TGFB3: variants seen among roughly 807,000 people sequenced by gnomAD.
TGFB3 encodes transforming growth factor beta 3.
A neutral mutation model predicts 40.1 loss-of-function variants in TGFB3; 5 were observed. The ratio of observed to expected loss-of-function variants is 0.12; its 90% CI spans 0.07 to 0.26. The LOEUF (loss-of-function observed/expected upper bound fraction) is 0.26, where lower values mean the gene tolerates loss of function less well. Among genes scored for constraint, TGFB3 ranks in the 10% least tolerant of loss-of-function variants. The probability of loss-of-function intolerance (pLI) is 1.00; values close to 1 mark genes in which losing one functional copy is unlikely to be tolerated. For missense variants in TGFB3, 373 were observed against 530.1 expected (o/e 0.70, Z 2.91); for synonymous variants, 184 against 205.6 (o/e 0.89, Z 0.90).
intron 3 of TGFB3, among the ~76,000 whole-genome samples, chr14:75,968,218 G>T (rs745883298): frequency 1.3e-5 from 2 of 152,188 alleles, no homozygotes; most frequent in Non-Finnish European, 2.9e-5. Context: ...AATCTACACC[G>T]CCAACTGCTC....
chr14:75,958,411 C>T lies in TGFB3; in HGVS notation c.*776G>A, dbSNP rs1360834410. ...ACAATCCAGAAATGTGCATCCTGAC[C>T]TGGAAGGCGTCTAACCAAGTGTCCA... On this transcript the variant is annotated 3_prime_UTR_variant, in exon 7 of 7. Coordinates refer to ENST00000238682, the MANE Select transcript of TGFB3 (RefSeq NM_003239.5). 1 of 153,044 alleles carries T rather than the reference C, an allele frequency of 6.5e-6. No homozygotes were observed. The highest frequency in any genetic ancestry group is 1.5e-5 in the Non-Finnish European group (1 of 68,428). 9.5% of individuals were successfully genotyped at this position (153,044 alleles called of 1,614,324 possible). A position where few individuals can be genotyped will look rare whatever the true frequency, so the allele number is the denominator to read the frequency against.
chr14:75,965,543 T>G, intron 4 of TGFB3, 45 bp downstream of exon 4: 2 of 1,522,032 alleles, frequency 1.3e-6, no homozygotes, highest in East Asian at 2.2e-5. Context: ...TCCCATTAAC[T>G]TCCCCCCCAC....
rs568863382 is a variant in TGFB3, at chr14:75,978,730, T to C, written c.352+1812A>G. On this transcript the variant is annotated intron_variant, in intron 1 of 6. Coordinates refer to ENST00000238682, the MANE Select transcript of TGFB3 (RefSeq NM_003239.5). The surrounding 1 kb of genome is among the most constrained non-coding windows in gnomAD (Gnocchi z 5.0). ...CCAAGGACATCTGCTATTTGTGCTT[T>C]GAGTCTGCACAAAATCAGTGTCCAC... Among the ~76,000 whole-genome samples, 4 of 152,370 alleles carry C rather than the reference T, an allele frequency of 2.6e-5. No individual in the cohort carries two copies. The highest frequency in any genetic ancestry group is 2.0e-4 in the Admixed American group (3 of 15,310).
chr14:75,976,555 T>C (rs1229904351), intron 1 of TGFB3, among the ~76,000 whole-genome samples: 2 of 152,286 alleles, frequency 1.3e-5, no homozygotes, highest in Admixed American at 6.5e-5. Flanking sequence ...TTTAAGCCCA[T>C]GTTAAAAATT....
Position 75,979,031 on chromosome 14 carries a change from C to T in TGFB3, c.352+1511G>A, listed in dbSNP as rs1308054628. On this transcript the variant is annotated intron_variant, in intron 1 of 6. Coordinates refer to ENST00000238682, the MANE Select transcript of TGFB3 (RefSeq NM_003239.5). This position sits in a 1 kb window ranked among gnomAD's most constrained non-coding sequence, Gnocchi z 4.8. ...GCCTTGGCCATCGAGCTGCTAGGTG[C>T]CTCTGGGAACTGTGGGTCTCTGAGC... Among the ~76,000 whole-genome samples the T allele has an allele frequency of 2.0e-5, 3 of 152,192 alleles. No homozygotes were observed. The highest frequency in any genetic ancestry group is 6.5e-5 in the Admixed American group (1 of 15,280).
At chr14:75,959,861 C>A (rs2035132080) in intron 6 of TGFB3, among the ~76,000 whole-genome samples, 1 of 144,192 alleles carries the variant, frequency 6.9e-6, no homozygotes, top group Admixed American at 7.1e-5. Context: ...AGAAGCAGAA[C>A]AACTGCACTT....
intron 1 of TGFB3, among the ~76,000 whole-genome samples, chr14:75,976,736 C>A (rs1170409481): frequency 6.6e-6 from 1 of 152,122 alleles, no homozygotes; most frequent in East Asian, 1.9e-4. Flanking sequence ...CTCACACACC[C>A]TACTTTCTTC....
At chr14:75,976,667 T>C (rs1337744261) in intron 1 of TGFB3, among the ~76,000 whole-genome samples, 1 of 152,154 alleles carries the variant, frequency 6.6e-6, no homozygotes, top group African/African-American at 2.4e-5. Flanking sequence ...CAGCAAGAAC[T>C]GAGGCTGGCT....
upstream of TGFB3, among the ~76,000 whole-genome samples, chr14:75,982,423 G>C (rs980405563): frequency 2.0e-5 from 3 of 152,176 alleles, no homozygotes; most frequent in Non-Finnish European, 4.4e-5. This position sits in a 1 kb window ranked among gnomAD's most constrained non-coding sequence, Gnocchi z 4.0. Context: ...CGGTAGGGGC[G>C]GCCATGCCAG....
Position 75,978,350 on chromosome 14 carries a change from T to C in TGFB3, c.352+2192A>G, listed in dbSNP as rs1419921625. On this transcript the variant is annotated intron_variant, in intron 1 of 6. Coordinates refer to ENST00000238682, the MANE Select transcript of TGFB3 (RefSeq NM_003239.5). The surrounding 1 kb of genome is among the most constrained non-coding windows in gnomAD (Gnocchi z 5.0). ...CCTGATGATGGCTCTCTGCTCCTGC[T>C]CAGCACCTGCCCACTGCCTTCTTTA... Among the ~76,000 whole-genome samples, 6 of 152,042 alleles carry C rather than the reference T, an allele frequency of 3.9e-5. No homozygotes were observed. The East Asian group carries it at 9.7e-4, about 25-fold the overall frequency.
chr14:75,971,835 G>A lies in TGFB3; in HGVS notation c.353-117C>T, dbSNP rs1319391244. On this transcript the variant is annotated intron_variant, in intron 1 of 6. Transcript: ENST00000238682. The surrounding 1 kb of genome is among the most constrained non-coding windows in gnomAD (Gnocchi z 4.5). ...CCGCCTGCCACCTCCCTAGAGGCTT[G>A]AGGCCTCAGACCGCAAGGTGGAGAT... is the stretch of plus-strand genomic sequence containing the variant. 4 of 1,152,966 alleles carry A rather than the reference G, an allele frequency of 3.5e-6. No individual in the cohort carries two copies. The East Asian group carries it at 9.8e-5, about 28-fold the overall frequency. The allele number at this position is 1,152,966 out of a possible 1,614,324, so 71.4% of individuals were successfully genotyped here.
chr14:75,960,851 C>T, intron 6 of TGFB3, 72 bp downstream of exon 6: 1 of 1,597,324 alleles, frequency 6.3e-7, no homozygotes, highest in South Asian at 1.1e-5. Flanking sequence ...TTCAATCCTT[C>T]ACTCATTCTT....
intron 3 of TGFB3, among the ~76,000 whole-genome samples, chr14:75,968,420 C>T (rs776346025): frequency 6.6e-6 from 1 of 152,064 alleles, no homozygotes; most frequent in Admixed American, 6.5e-5. Context: ...GGGTGGGGGA[C>T]CCATAGGTTT....
At chr14:75,961,171 G>T in intron 5 of TGFB3, 95 bp from the exon 6 acceptor site, 2 of 1,425,746 alleles carry the variant, frequency 1.4e-6, no homozygotes, top group Non-Finnish European at 1.9e-6. Context: ...GTCCTTTCAT[G>T]CCATCATAGG....
chr14:75,971,117 T>G lies in TGFB3; in HGVS notation c.646+9A>C. 6.2e-7 allele frequency: 1 copy of G among 1,613,652 alleles called. No homozygotes were observed. On this transcript the variant is annotated intron_variant, in intron 3 of 6. Transcript: ENST00000238682. This position sits in a 1 kb window ranked among gnomAD's most constrained non-coding sequence, Gnocchi z 4.5. Reference sequence around the variant, plus strand: ...CATTCTGAAATGCTTATCTGAAGGGTCCACCTACCTCTTCTCAACAGCCAC... The same window carrying G: ...CATTCTGAAATGCTTATCTGAAGGGGCCACCTACCTCTTCTCAACAGCCAC...
rs150434902 is a variant in TGFB3, at chr14:75,959,821, G to T, written c.1081-476C>A. Among the ~76,000 whole-genome samples the T allele has an allele frequency of 5.7e-3, 856 of 150,248 alleles. 8 individuals carry two copies. The highest frequency in any genetic ancestry group is 0.019 in the African/African-American group (799 of 40,996). On this transcript the variant is annotated intron_variant, in intron 6 of 6. Transcript: ENST00000238682. ...GGAACCTGGTTTGGGTGAGTGAGTA[G>T]TTGTGTAGTTGCTGTTCATCCACAA...
Position 75,980,430 on chromosome 14 carries a change from G to A in TGFB3, c.352+112C>T. The A allele has an allele frequency of 8.8e-7, 1 of 1,134,606 alleles. No homozygotes were observed. The highest frequency in any genetic ancestry group is 1.2e-5 in the South Asian group (1 of 80,306). 70.3% of individuals were successfully genotyped at this position (1,134,606 alleles called of 1,614,324 possible). Reference sequence around the variant, plus strand: ...TCGCACATCCTGAGCCTTGGTGCTGGTGAATCCTGGGGCACCCTGCTGTGT... The same window carrying A: ...TCGCACATCCTGAGCCTTGGTGCTGATGAATCCTGGGGCACCCTGCTGTGT... On this transcript the variant is annotated intron_variant, in intron 1 of 6. Transcript: ENST00000238682. The surrounding 1 kb of genome is among the most constrained non-coding windows in gnomAD (Gnocchi z 4.3).
chr14:75,980,919 G>A lies in TGFB3; in HGVS notation c.-26C>T, dbSNP rs1342338388. ...GTGTGAGCTGGGAAGAGAGGCCAGG[G>A]GGACGGCAAGGCCTGGAGAGGAAGA... is the stretch of plus-strand genomic sequence containing the variant. On this transcript the variant is annotated 5_prime_UTR_variant, in exon 1 of 7. Transcript: ENST00000238682. The surrounding 1 kb of genome is among the most constrained non-coding windows in gnomAD (Gnocchi z 4.3). The A allele has an allele frequency of 6.2e-7, 1 of 1,605,066 alleles. No homozygotes were observed. Among genetic ancestry groups the A allele is most frequent in the African/African-American group, 1.3e-5 (1 of 74,772 alleles).
intron 6 of TGFB3, 106 bp from the exon 7 acceptor site, chr14:75,959,451 G>A (rs2035126888): frequency 7.4e-7 from 1 of 1,360,474 alleles, no homozygotes. Flanking sequence ...GCAAGTGCTA[G>A]AATGGCCACG....
Sources: gnomAD v4.1 joint callset for allele counts (sites outside exome capture counted in the v4.1 genomes callset) on GRCh38, gnomAD v4.1.1 for gene constraint, Gnocchi (gnomAD v3.1) non-coding constraint, MANE v1.5 for transcripts, NCBI Gene and HGNC (gene_info 2026-07-23, HGNC 2026-07-21) for gene names.